Variants in PLCE1 observed in about 807,000 individuals in gnomAD.
PLCE1 encodes the protein 1-phosphatidylinositol 4,5-bisphosphate phosphodiesterase epsilon-1.
PLCE1 carries 119 observed loss-of-function variants against 242.8 expected under a neutral mutation model. That is an observed-to-expected ratio of 0.49 (90% CI 0.42 to 0.57). PLCE1 has a LOEUF of 0.57. PLCE1 is among the 20% of genes least tolerant of loss of function. The pLI, the probability that PLCE1 is intolerant of heterozygous loss-of-function variation, is 0.00. For missense variants in PLCE1, 2,441 were observed against 2,788.8 expected, an observed-to-expected ratio of 0.88 and a Z score of 2.81; for synonymous variants, 945 against 1,017.4, an observed-to-expected ratio of 0.93 and a Z score of 1.35.
rs769807716 is a variant in PLCE1, at chr10:94,254,206, T to A, written c.3296T>A (p.Val1099Glu). 35 of 1,612,934 alleles carry A rather than the reference T, an allele frequency of 2.2e-5. No homozygotes were observed. Among genetic ancestry groups the A allele is most frequent in the Admixed American group, 3.3e-5 (2 of 59,964 alleles). ...KILMRGESGE[V>E]TDDEMATRKA... is the part of the protein sequence containing the mutation. ...TGTTCCCAGGGTGAGAGTGGAGAGG[T>A]AACTGACGATGAGATGGCAACCCGA... The change falls in exon 10 of 33, where the codon GTA becomes GAA. Residue 1099 changes from valine (V) to glutamate (E), a missense_variant. Physicochemically the swap from Val to Glu is moderately radical, Grantham distance 121. Around this residue, in one of 5 missense-constraint regions of PLCE1, gnomAD observed 1,004 missense variants for 1,322.7 expected, o/e 0.76. Coordinates refer to ENST00000371380, the MANE Select transcript of PLCE1 (RefSeq NM_016341.4).
rs1402904459 is a variant in PLCE1 at position 94,328,183 on chromosome 10, C to T, written c.*240C>T. The stretch of plus-strand genomic sequence containing the variant: ...GGGACTGCCATTTTATAAATGTCAG[C>T]AGTTGGAAAAATCGTCACGAATTGA... On this transcript the variant is annotated 3_prime_UTR_variant, in exon 33 of 33. Transcript: ENST00000371380. 6.7e-6 allele frequency: 2 copies of T among 297,154 alleles called. No individual in the cohort carries two copies. Among genetic ancestry groups the T allele is most frequent in the Non-Finnish European group, 1.4e-5 (2 of 139,178 alleles). The allele number at this position is 297,154 out of a possible 1,614,324, so 18.4% of individuals were successfully genotyped here. A position where few individuals can be genotyped will look rare whatever the true frequency, so the allele number is the denominator to read the frequency against.
intron 2 of PLCE1, among the ~76,000 whole-genome samples, chr10:94,081,082 A>G (rs191402231): frequency 1.3e-5 from 2 of 152,294 alleles, no homozygotes; most frequent in African/African-American, 4.8e-5. Context: ...GTTTTTTTAA[A>G]TATTTAACTG....
At position 94,229,201 on chromosome 10, in the gene PLCE1, CA is replaced by C. The variant is rs35857376; in HGVS notation, c.1955+1759del. The stretch of plus-strand genomic sequence containing the variant: ...TGTATCAAAAAACAAAACAAACAAA[CA>C]AAAAAAAACAGAAAAAAGAAAATAT... On this transcript the variant is annotated intron_variant, in intron 5 of 32. Coordinates refer to ENST00000371380, the MANE Select transcript of PLCE1 (RefSeq NM_016341.4). Among the ~76,000 whole-genome samples the C allele has an allele frequency of 4.0e-3, 596 of 148,660 alleles. 8 individuals carry two copies. Among genetic ancestry groups the C allele is most frequent in the African/African-American group, 0.013 (544 of 40,524 alleles).
At chr10:94,307,833 A>T (rs1020174100) in intron 26 of PLCE1, among the ~76,000 whole-genome samples, 1 of 152,194 alleles carries the variant, frequency 6.6e-6, no homozygotes, top group East Asian at 1.9e-4. Context: ...TCTACACAAG[A>T]ATGGGGAGTA....
At chr10:94,122,170 G>A (rs2046319668) in intron 2 of PLCE1, among the ~76,000 whole-genome samples, 1 of 152,152 alleles carries the variant, frequency 6.6e-6, no homozygotes, top group Non-Finnish European at 1.5e-5. Flanking sequence ...TCTGAGCCAG[G>A]GATCACAGTC....
At chr10:94,089,978 A>G (rs2135351548) in intron 2 of PLCE1, among the ~76,000 whole-genome samples, 1 of 152,302 alleles carries the variant, frequency 6.6e-6, no homozygotes, top group Middle Eastern at 3.4e-3. Flanking sequence ...GGTGTTTCAA[A>G]TATGCTTTTT....
intron 2 of PLCE1, among the ~76,000 whole-genome samples, chr10:94,096,138 CTAGGGCAGTATGGAATGATG>C (rs1173119744): frequency 3.3e-5 from 5 of 152,296 alleles, no homozygotes; most frequent in Admixed American, 1.3e-4. Context: ...CTGCCTGTTC[CTAGGGCAGTATGGAATGATG>C]TTAAAGATTC....
intron 2 of PLCE1, among the ~76,000 whole-genome samples, chr10:94,089,846 A>T (rs1489706306): frequency 6.6e-6 from 1 of 152,180 alleles, no homozygotes; most frequent in Non-Finnish European, 1.5e-5. Flanking sequence ...TTGTGATTAT[A>T]ATACTAGTAA....
chr10:94,053,741 G>T (rs942116349), intron 2 of PLCE1, among the ~76,000 whole-genome samples: 50 of 152,176 alleles, frequency 3.3e-4, no homozygotes, highest in African/African-American at 1.2e-3. Context: ...TTGGGATTTC[G>T]CATTTCAACC....
chr10:94,265,557 CAG>C, intron 14 of PLCE1, 88 bp from the exon 15 acceptor site: 1 of 1,129,576 alleles, frequency 8.9e-7, no homozygotes. Context: ...CTGATGAAAA[CAG>C]AACAGCTTTA....
At chr10:94,162,599 A>G (rs1350431942) in intron 3 of PLCE1, among the ~76,000 whole-genome samples, 2 of 152,134 alleles carry the variant, frequency 1.3e-5, no homozygotes, top group Non-Finnish European at 2.9e-5. Flanking sequence ...ATCTTTTCAA[A>G]AAACCAGCTC....
At chr10:94,092,355 C>T (rs1195575773) in intron 2 of PLCE1, among the ~76,000 whole-genome samples, 1 of 152,126 alleles carries the variant, frequency 6.6e-6, no homozygotes, top group African/African-American at 2.4e-5. Flanking sequence ...TTCTTTGTGG[C>T]AGGTATTGTG....
chr10:94,037,526 T>G (rs1407586655), intron 2 of PLCE1, among the ~76,000 whole-genome samples: 1 of 152,168 alleles, frequency 6.6e-6, no homozygotes, highest in Non-Finnish European at 1.5e-5. Flanking sequence ...AAGCCTGTGC[T>G]TGGTGATTTG....
At chr10:94,214,183 A>G (rs1226503979) in intron 4 of PLCE1, among the ~76,000 whole-genome samples, 1 of 152,186 alleles carries the variant, frequency 6.6e-6, no homozygotes, top group Non-Finnish European at 1.5e-5. Context: ...CATTGCAGCC[A>G]ACTCCATGTT....
At chr10:94,066,752 G>A (rs541899148) in intron 2 of PLCE1, among the ~76,000 whole-genome samples, 37 of 152,246 alleles carry the variant, frequency 2.4e-4, no homozygotes, top group African/African-American at 8.4e-4. Context: ...AGATATAGAC[G>A]GCTAAGTACT....
chr10:94,125,398 AT>A (rs528952712), intron 2 of PLCE1, among the ~76,000 whole-genome samples: 103 of 145,018 alleles, frequency 7.1e-4, no homozygotes, highest in Admixed American at 6.9e-4. Flanking sequence ...TTAGCGCCTT[AT>A]TTTTTTTTTT....
intron 2 of PLCE1, among the ~76,000 whole-genome samples, chr10:94,058,360 A>G (rs554329231): frequency 5.9e-5 from 9 of 152,354 alleles, no homozygotes; most frequent in African/African-American, 2.2e-4. Flanking sequence ...CAATAATGAT[A>G]ACAACCTTTC....
chr10:94,160,304 T>G (rs893276206), intron 3 of PLCE1, among the ~76,000 whole-genome samples: 1 of 152,170 alleles, frequency 6.6e-6, no homozygotes, highest in Admixed American at 6.5e-5. Flanking sequence ...TTTTAATGAT[T>G]GCCATTCTAA....
intron 28 of PLCE1, chr10:94,315,190 C>A: frequency 6.1e-6 from 2 of 326,344 alleles, no homozygotes; most frequent in South Asian, 2.7e-5. Context: ...CATTTATAGA[C>A]CAAGGGCTGG....
Sources: allele counts gnomAD v4.1 joint callset (sites outside exome capture counted in the v4.1 genomes callset), GRCh38; gene constraint gnomAD v4.1.1; regional missense constraint gnomAD v4.1.1; transcripts MANE v1.5; gene names NCBI Gene and HGNC (gene_info 2026-07-23, HGNC 2026-07-21).